The following MCTP1 variants were observed in gnomAD, a reference collection of about 807,000 sequenced individuals.
MCTP1 encodes the protein multiple C2 and transmembrane domain containing 1.
MCTP1 carries 69 observed loss-of-function variants against 120.6 expected under a neutral mutation model. The ratio of observed to expected loss-of-function variants is 0.57; its 90% CI spans 0.47 to 0.70. The LOEUF is 0.70. MCTP1 is among the 30% of genes least tolerant of loss of function. The probability of loss-of-function intolerance (pLI) is 0.00; values close to 1 mark genes in which losing one functional copy is unlikely to be tolerated. For missense variants in MCTP1, 1,203 were observed against 1,248.8 expected, an observed-to-expected ratio of 0.96 and a Z score of 0.55; for synonymous variants, 529 against 493.1, an observed-to-expected ratio of 1.07 and a Z score of -0.96.
Position 94,928,670 on chromosome 5 carries a change from G to A in MCTP1, c.1212+3283C>T, listed in dbSNP as rs146293156. Among the ~76,000 whole-genome samples the A allele has an allele frequency of 6.5e-3, 996 of 152,138 alleles. 16 individuals carry two copies. The highest frequency in any genetic ancestry group is 0.023 in the African/African-American group (939 of 41,518). ...AACCAGAATGAGTCTTTTGAAGGAT[G>A]GTTCTGTCCCTAGAAGAGGCAATAT... On this transcript the variant is annotated intron_variant, in intron 6 of 22. Transcript: ENST00000515393.
intron 19 of MCTP1, among the ~76,000 whole-genome samples, chr5:94,777,876 G>C (rs1470915647): frequency 6.6e-6 from 1 of 151,784 alleles, no homozygotes; most frequent in Non-Finnish European, 1.5e-5. Context: ...TCACATAAAA[G>C]CTCTGTCGAT....
chr5:95,166,718 C>A (rs918517658), intron 1 of MCTP1, among the ~76,000 whole-genome samples: 50 of 152,116 alleles, frequency 3.3e-4, no homozygotes, highest in Non-Finnish European at 6.5e-4. Flanking sequence ...CAGGCACCCA[C>A]CACCACGCCT....
rs960439060 is a variant in MCTP1 at position 94,753,354 on chromosome 5, T to G, written c.2610+25756A>C. 9.9e-5 allele frequency among the ~76,000 whole-genome samples: 15 copies of G among 152,218 alleles called. 1 individual carries two copies. The highest frequency in any genetic ancestry group is 3.6e-4 in the African/African-American group (15 of 41,444). ...TTTGCACAAACCCCCTAAAAATTAT[T>G]GCCATATAGCTTCCTATTGCCTTCC... On this transcript the variant is annotated intron_variant, in intron 19 of 22. Transcript: ENST00000515393.
chr5:94,983,668 A>AATCTATCTATCTATCTATCT lies in MCTP1; in HGVS notation c.839-30327_839-30308dup, dbSNP rs57481277. 7.9e-4 allele frequency among the ~76,000 whole-genome samples: 119 copies of AATCTATCTATCTATCTATCT among 150,786 alleles called. 1 individual carries two copies. Among genetic ancestry groups the AATCTATCTATCTATCTATCT allele is most frequent in the African/African-American group, 2.2e-3 (90 of 41,182 alleles). ...CTGTCTGTCTGTCTGTCTGTCTGTC[A>AATCTATCTATCTATCTATCT]ATCTATCTATCTATCTATCTATCTA... On this transcript the variant is annotated intron_variant, in intron 2 of 22. Transcript: ENST00000515393.
chr5:94,953,584 C>A (rs796317173), intron 2 of MCTP1, among the ~76,000 whole-genome samples: 1 of 150,896 alleles, frequency 6.6e-6, no homozygotes, highest in Admixed American at 6.6e-5. Flanking sequence ...AATCGTGTAA[C>A]CTTGTCCTGG....
At chr5:94,857,031 G>T (rs569095940) in intron 17 of MCTP1, among the ~76,000 whole-genome samples, 2 of 151,734 alleles carry the variant, frequency 1.3e-5, no homozygotes, top group Non-Finnish European at 2.9e-5. Flanking sequence ...AATAATGAGT[G>T]TGAATCTTAT....
In MCTP1 at chr5:95,212,315, G is replaced by A. The variant is rs955396426; in HGVS notation, c.720+71541C>T. Among the ~76,000 whole-genome samples, 8 of 152,010 alleles carry A rather than the reference G, an allele frequency of 5.3e-5. 1 individual carries two copies. The highest frequency in any genetic ancestry group is 1.7e-4 in the African/African-American group (7 of 41,392). On this transcript the variant is annotated intron_variant, in intron 1 of 22. Coordinates refer to ENST00000515393, the MANE Select transcript of MCTP1 (RefSeq NM_024717.7). ...ACCCTCTCCCAAGACTAAACCAGGA[G>A]GAAATTGAATCTCTGAATAGACCAA...
intron 19 of MCTP1, among the ~76,000 whole-genome samples, chr5:94,735,698 A>G (rs560051977): frequency 6.6e-6 from 1 of 152,342 alleles, no homozygotes; most frequent in South Asian, 2.1e-4. Context: ...TTCCAGTAAT[A>G]GGAAGGTCAT....
intron 1 of MCTP1, among the ~76,000 whole-genome samples, chr5:95,265,635 C>T (rs1758823539): frequency 6.6e-6 from 1 of 152,138 alleles, no homozygotes; most frequent in Admixed American, 6.5e-5. Context: ...AAGCAGTTGT[C>T]GCAAATGAGG....
At chr5:95,163,784 G>C (rs1746013476) in intron 1 of MCTP1, among the ~76,000 whole-genome samples, 1 of 152,128 alleles carries the variant, frequency 6.6e-6, no homozygotes, top group Non-Finnish European at 1.5e-5. Flanking sequence ...CAGCCGTGTG[G>C]TCTTGGGACA....
intron 19 of MCTP1, among the ~76,000 whole-genome samples, chr5:94,716,408 AG>A (rs1197357133): frequency 6.6e-6 from 1 of 151,734 alleles, no homozygotes; most frequent in Non-Finnish European, 1.5e-5. Flanking sequence ...AAAAAAAAAA[AG>A]TTAGTTTCAC....
chr5:95,166,515 G>A (rs1423774318), intron 1 of MCTP1, among the ~76,000 whole-genome samples: 1 of 150,728 alleles, frequency 6.6e-6, no homozygotes, highest in Non-Finnish European at 1.5e-5. Context: ...ACTTGAAATT[G>A]TGAATATGCC....
intron 20 of MCTP1, among the ~76,000 whole-genome samples, chr5:94,714,216 GT>G (rs1194552449): frequency 6.6e-6 from 1 of 152,044 alleles, no homozygotes; most frequent in Non-Finnish European, 1.5e-5. Flanking sequence ...AAGGGATTCT[GT>G]TTTTATAATT....
intron 17 of MCTP1, among the ~76,000 whole-genome samples, chr5:94,801,032 G>T (rs1561659287): frequency 2.0e-5 from 3 of 151,914 alleles, no homozygotes; most frequent in African/African-American, 7.2e-5. Flanking sequence ...ATTTTATAAA[G>T]ATAATTATTT....
chr5:94,763,708 C>A (rs1370467360), intron 19 of MCTP1, among the ~76,000 whole-genome samples: 2 of 152,036 alleles, frequency 1.3e-5, no homozygotes, highest in African/African-American at 4.8e-5. Flanking sequence ...GTTTATGGAA[C>A]AAAAGCATCA....
At chr5:95,251,356 CG>C in intron 1 of MCTP1, among the ~76,000 whole-genome samples, 1 of 151,906 alleles carries the variant, frequency 6.6e-6, no homozygotes, top group Non-Finnish European at 1.5e-5. Flanking sequence ...GTGGGAGGGA[CG>C]AGAATAGTCA....
chr5:94,877,427 T>G (rs1799131731), intron 12 of MCTP1, among the ~76,000 whole-genome samples: 1 of 152,080 alleles, frequency 6.6e-6, no homozygotes, highest in Non-Finnish European at 1.5e-5. Flanking sequence ...CCATGAGAAT[T>G]AACACTTGAG....
intron 17 of MCTP1, among the ~76,000 whole-genome samples, chr5:94,828,074 G>T (rs914853160): frequency 5.9e-5 from 9 of 152,100 alleles, no homozygotes; most frequent in African/African-American, 1.7e-4. Context: ...TTTTGCACTG[G>T]TTTTTCCTCA....
At chr5:95,147,378 G>A (rs1026809433) in intron 1 of MCTP1, among the ~76,000 whole-genome samples, 10 of 152,172 alleles carry the variant, frequency 6.6e-5, no homozygotes, top group Admixed American at 2.0e-4. Flanking sequence ...GAGCCACCGC[G>A]CCCAGCTATT....
Sources: gnomAD v4.1 joint callset for allele counts (sites outside exome capture counted in the v4.1 genomes callset) on GRCh38, gnomAD v4.1.1 for gene constraint, MANE v1.5 for transcripts, NCBI Gene and HGNC (gene_info 2026-07-23, HGNC 2026-07-21) for gene names.